The following ADAM18 variants were observed in gnomAD, a reference collection of about 807,000 sequenced individuals.
ADAM18 encodes ADAM metallopeptidase domain 18.
A neutral mutation model predicts 94.4 loss-of-function variants in ADAM18; 117 were observed. The ratio of observed to expected loss-of-function variants is 1.24; its 90% CI spans 1.07 to 1.45. The LOEUF (loss-of-function observed/expected upper bound fraction) is 1.45. ADAM18 is among the 40% of genes most tolerant of loss of function. The pLI is 0.00. For missense variants in ADAM18, 936 were observed against 880.0 expected, an observed-to-expected ratio of 1.06 and a Z score of -0.81; for synonymous variants, 327 against 291.6, an observed-to-expected ratio of 1.12 and a Z score of -1.24.
chr8:39,676,844 G>A (rs1356285852), intron 14 of ADAM18, among the ~76,000 whole-genome samples: 1 of 152,166 alleles, frequency 6.6e-6, no homozygotes, highest in African/African-American at 2.4e-5. Flanking sequence ...ACATAGAGTG[G>A]ATAACAGGAT....
intron 18 of ADAM18, among the ~76,000 whole-genome samples, chr8:39,718,695 G>T (rs143786977): frequency 6.7e-6 from 1 of 149,920 alleles, no homozygotes; most frequent in Non-Finnish European, 1.5e-5. Flanking sequence ...TAGATCTCTC[G>T]TTAGGTAGGT....
intron 13 of ADAM18, among the ~76,000 whole-genome samples, chr8:39,664,382 C>T (rs1340548847): frequency 1.3e-5 from 2 of 151,964 alleles, no homozygotes; most frequent in African/African-American, 4.8e-5. Flanking sequence ...AAGTTATATA[C>T]AAATGTTACA....
At chr8:39,637,735 T>C (rs1820125144) in intron 9 of ADAM18, 32 bp downstream of exon 9, 1 of 1,461,932 alleles carries the variant, frequency 6.8e-7, no homozygotes, top group Non-Finnish European at 9.1e-7. Context: ...AATAAAGATA[T>C]CTGCATAATT....
chr8:39,643,906 C>A (rs946674098), intron 10 of ADAM18, among the ~76,000 whole-genome samples: 1 of 151,496 alleles, frequency 6.6e-6, no homozygotes, highest in South Asian at 2.1e-4. Flanking sequence ...TGATGGTCAG[C>A]CTAGATATCA....
At chr8:39,589,318 C>A (rs867267102) in intron 2 of ADAM18, among the ~76,000 whole-genome samples, 33 of 151,912 alleles carry the variant, frequency 2.2e-4, no homozygotes, top group Admixed American at 9.2e-4. Context: ...CAGACTATAG[C>A]CAGAAGCAAG....
chr8:39,634,527 G>A (rs1203878525), intron 7 of ADAM18, among the ~76,000 whole-genome samples: 6 of 152,184 alleles, frequency 3.9e-5, no homozygotes, highest in East Asian at 3.9e-4. Context: ...CCACCCCAAT[G>A]TGTCTCATGG....
intron 16 of ADAM18, among the ~76,000 whole-genome samples, chr8:39,688,311 T>G (rs923046984): frequency 6.6e-6 from 1 of 152,120 alleles, no homozygotes; most frequent in Non-Finnish European, 1.5e-5. Context: ...AGGGTTGTTG[T>G]AAAGATTATT....
At chr8:39,586,925 C>T (rs1462662978) in intron 2 of ADAM18, among the ~76,000 whole-genome samples, 4 of 152,076 alleles carry the variant, frequency 2.6e-5, no homozygotes, top group African/African-American at 4.8e-5. Flanking sequence ...ATAGCAACTA[C>T]GCAGGGCTTG....
At chr8:39,620,427 A>G (rs981732243) in intron 6 of ADAM18, among the ~76,000 whole-genome samples, 9 of 149,058 alleles carry the variant, frequency 6.0e-5, no homozygotes, top group Admixed American at 2.0e-4. Flanking sequence ...AAAACCAACA[A>G]CCAACCAACC....
intron 12 of ADAM18, among the ~76,000 whole-genome samples, chr8:39,661,397 A>G (rs1820835798): frequency 1.5e-5 from 2 of 137,840 alleles, no homozygotes; most frequent in African/African-American, 5.7e-5. Context: ...GATGGTCTCT[A>G]TCTCCTGACC....
intron 12 of ADAM18, among the ~76,000 whole-genome samples, chr8:39,661,241 C>T (rs1435733446): frequency 1.3e-5 from 2 of 148,904 alleles, no homozygotes; most frequent in African/African-American, 2.5e-5. Flanking sequence ...CAGGCTCCGC[C>T]TCCTGGGTTC....
intron 2 of ADAM18, among the ~76,000 whole-genome samples, chr8:39,593,649 A>T (rs1303559752): frequency 2.6e-5 from 4 of 152,170 alleles, no homozygotes; most frequent in Non-Finnish European, 5.9e-5. Context: ...ATGGGGAAGG[A>T]TAGTCGAAAG....
At chr8:39,589,690 A>G (rs1818515670) in intron 2 of ADAM18, among the ~76,000 whole-genome samples, 1 of 151,822 alleles carries the variant, frequency 6.6e-6, no homozygotes, top group Admixed American at 6.6e-5. Flanking sequence ...TATTAGAAAT[A>G]ATTTTTAATT....
At chr8:39,707,888 A>G (rs1822286117) in intron 18 of ADAM18, among the ~76,000 whole-genome samples, 1 of 152,186 alleles carries the variant, frequency 6.6e-6, no homozygotes, top group Admixed American at 6.5e-5. Flanking sequence ...TTTGGCATAT[A>G]CAAATTGATG....
intron 6 of ADAM18, among the ~76,000 whole-genome samples, chr8:39,616,033 C>T (rs760094930): frequency 1.3e-5 from 2 of 152,028 alleles, no homozygotes; most frequent in Non-Finnish European, 2.9e-5. Flanking sequence ...AATCACAAAA[C>T]ATTGCTGAAA....
chr8:39,638,479 C>T lies in ADAM18; in HGVS notation c.842C>T (p.Pro281Leu). Residue 281 changes from proline to leucine, a missense_variant, in exon 10 of 20, where the codon CCT becomes CTT. Pro to Leu is a moderately conservative substitution (Grantham distance 98, BLOSUM62 -3). Coordinates refer to ENST00000265707, the MANE Select transcript of ADAM18 (RefSeq NM_014237.3). ...IAYLLVYRKH[P>L]KYVGATFPGT... is the part of the protein sequence containing the mutation. ...TAATAATGTAGTTACAGGAAACATC[C>T]TAAATATGTGGGAGCAACATTTCCT... 4 of 1,559,422 alleles carry T rather than the reference C, an allele frequency of 2.6e-6. No individual in the cohort carries two copies. The highest frequency in any genetic ancestry group is 3.5e-6 in the Non-Finnish European group (4 of 1,150,382).
At chr8:39,632,976 T>C (rs1819974670) in intron 7 of ADAM18, among the ~76,000 whole-genome samples, 1 of 152,162 alleles carries the variant, frequency 6.6e-6, no homozygotes, top group Non-Finnish European at 1.5e-5. Context: ...ATGAGGCAAT[T>C]CTGTCATGAA....
intron 17 of ADAM18, among the ~76,000 whole-genome samples, chr8:39,697,278 GT>G (rs1187461018): frequency 1.3e-5 from 2 of 151,338 alleles, no homozygotes; most frequent in African/African-American, 2.4e-5. Context: ...GATTTTTAGG[GT>G]TTTCTACATA....
chr8:39,620,746 A>T (rs1455542950), intron 6 of ADAM18, among the ~76,000 whole-genome samples: 1 of 151,496 alleles, frequency 6.6e-6, no homozygotes, highest in Non-Finnish European at 1.5e-5. Context: ...CTTTATCTTA[A>T]ATGAGACAAG....
Sources: allele counts gnomAD v4.1 joint callset (sites outside exome capture counted in the v4.1 genomes callset), GRCh38; gene constraint gnomAD v4.1.1; transcripts MANE v1.5; gene names NCBI Gene and HGNC (gene_info 2026-07-23, HGNC 2026-07-21).